Variants in CDC16 observed in about 807,000 individuals in gnomAD.
CDC16 encodes the protein cell division cycle protein 16 homolog.
CDC16 carries 34 observed loss-of-function variants against 87.0 expected under a neutral mutation model. That is an observed-to-expected ratio of 0.39 (90% CI 0.30 to 0.52). CDC16 has a LOEUF of 0.52. Ranked by LOEUF, CDC16 falls within the 20% of genes least tolerant of loss-of-function variation. The pLI is 0.74. For missense variants in CDC16, 653 were observed against 751.9 expected, an observed-to-expected ratio of 0.87 and a Z score of 1.54; for synonymous variants, 263 against 260.6, an observed-to-expected ratio of 1.01 and a Z score of -0.09.
chr13:114,257,310 A>G, intron 13 of CDC16, 80 bp downstream of exon 13: 1 of 840,654 alleles, frequency 1.2e-6, no homozygotes, highest in Non-Finnish European at 1.8e-6. Flanking sequence ...TTCACTGACA[A>G]AAGCGACTCT....
Position 114,242,213 on chromosome 13 carries a change from G to T in CDC16, c.474G>T (p.Lys158Asn). ...LATYSYKEAL[K>N]LDVYCFEAFD... ...CCTACAGCTACAAAGAAGCTTTGAA[G>T]CTTGATGTCTACTGTTTTGAAGCGT... The change falls in exon 6 of 18, where the codon AAG becomes AAT. Residue 158 changes from lysine (K) to asparagine (N), a missense_variant. Physicochemically the swap from Lys to Asn is moderately conservative, Grantham distance 94. Transcript: ENST00000356221. 1 of 1,614,180 alleles carries T rather than the reference G, an allele frequency of 6.2e-7. No individual in the cohort carries two copies. Among genetic ancestry groups the T allele is most frequent in the Non-Finnish European group, 8.5e-7 (1 of 1,180,028 alleles).
intron 16 of CDC16, among the ~76,000 whole-genome samples, chr13:114,263,734 T>G (rs1305320685): frequency 1.3e-5 from 2 of 152,192 alleles, no homozygotes; most frequent in Non-Finnish European, 2.9e-5. Context: ...ACACCTGCTT[T>G]CCAACTCTCT....
At chr13:114,266,698 C>CT (rs879303491) in intron 17 of CDC16, among the ~76,000 whole-genome samples, 2,767 of 146,330 alleles carry the variant, frequency 0.019, 63 homozygotes, top group African/African-American at 0.055. Context: ...ATTACTGAAT[C>CT]TTTTTTTTTT....
intron 14 of CDC16, among the ~76,000 whole-genome samples, chr13:114,261,632 G>A (rs1424068531): frequency 6.6e-6 from 1 of 152,092 alleles, no homozygotes; most frequent in Non-Finnish European, 1.5e-5. Flanking sequence ...GCTCTGAGTT[G>A]CAGATACTCA....
intron 7 of CDC16, 150 bp downstream of exon 7, chr13:114,243,498 C>CAAAAA (rs35430682): frequency 2.8e-4 from 106 of 382,630 alleles, no homozygotes; most frequent in Admixed American, 5.2e-4. Context: ...CATAAGATTC[C>CAAAAA]AAAAAAAAAA....
intron 17 of CDC16, among the ~76,000 whole-genome samples, chr13:114,271,249 T>C (rs544663195): frequency 2.5e-4 from 38 of 152,256 alleles, no homozygotes; most frequent in Non-Finnish European, 4.9e-4. Context: ...CATTTTTATT[T>C]TTAGAAAGTT....
chr13:114,266,910 A>G (rs2083261900), intron 17 of CDC16, among the ~76,000 whole-genome samples: 1 of 151,832 alleles, frequency 6.6e-6, no homozygotes, highest in Non-Finnish European at 1.5e-5. Context: ...GTTCGCCAGG[A>G]TGATCTTGAT....
At chr13:114,246,838 G>A (rs1455182419) in intron 10 of CDC16, 93 bp from the exon 11 acceptor site, 2 of 791,238 alleles carry the variant, frequency 2.5e-6, no homozygotes, top group Non-Finnish European at 4.6e-6. Flanking sequence ...TAAGGAACAT[G>A]TAGTATACCC....
At chr13:114,271,624 G>A (rs931840879) in intron 17 of CDC16, among the ~76,000 whole-genome samples, 13 of 151,726 alleles carry the variant, frequency 8.6e-5, no homozygotes, top group Non-Finnish European at 1.6e-4. Context: ...ACAGGCACCC[G>A]CCACCATGCC....
At chr13:114,246,844 T>C in intron 10 of CDC16, 87 bp from the exon 11 acceptor site, 1 of 813,166 alleles carries the variant, frequency 1.2e-6, no homozygotes, top group South Asian at 1.4e-5. Context: ...ACATGTAGTA[T>C]ACCCTCTGTC....
At position 114,235,082 on chromosome 13, in the gene CDC16, G is replaced by C; in HGVS notation, c.-3G>C. 1 of 1,246,042 alleles carries C rather than the reference G, an allele frequency of 8.0e-7. No homozygotes were observed. The highest frequency in any genetic ancestry group is 1.0e-6 in the Non-Finnish European group (1 of 995,946). The allele number at this position is 1,246,042 out of a possible 1,614,324, so 77.2% of individuals were successfully genotyped here. A position where few individuals can be genotyped will look rare whatever the true frequency, so the allele number is the denominator to read the frequency against. ...TGTGGCGTGAGGCCGGGCCCGCGCC[G>C]CCATGAACCTAGAGCGGCTGCGGAA... On this transcript the variant is annotated 5_prime_UTR_variant, in exon 1 of 18. Coordinates refer to ENST00000356221, the MANE Select transcript of CDC16 (RefSeq NM_001078645.3).
At chr13:114,241,218 C>T (rs2081535049) in intron 5 of CDC16, among the ~76,000 whole-genome samples, 1 of 152,132 alleles carries the variant, frequency 6.6e-6, no homozygotes, top group South Asian at 2.1e-4. Context: ...CCCTCACAGA[C>T]TTCTATAAGT....
intron 12 of CDC16, 64 bp downstream of exon 12, chr13:114,250,738 C>T: frequency 6.8e-7 from 1 of 1,467,474 alleles, no homozygotes; most frequent in South Asian, 1.2e-5. Context: ...AATGAAATTT[C>T]TATTACTATT....
intron 6 of CDC16, 76 bp downstream of exon 6, chr13:114,242,356 C>G (rs1450925042): frequency 3.6e-6 from 5 of 1,376,380 alleles, no homozygotes; most frequent in Admixed American, 3.8e-5. Context: ...CTGAAATCTT[C>G]TAAGTCAACA....
rs762843377 is a variant in CDC16, at chr13:114,250,589, A to G, written c.1012A>G (p.Ile338Val). Residue 338 changes from isoleucine to valine, a missense_variant, in exon 12 of 18, where the codon ATA (isoleucine) becomes GTA (valine). Ile to Val is a conservative substitution (Grantham distance 29). Coordinates refer to ENST00000356221, the MANE Select transcript of CDC16 (RefSeq NM_001078645.3). ...TGAGAAAACCTATGGACCTGCATGG[A>G]TAGCCTATGGACATTCATTTGCGGT... ...TLEKTYGPAW[I>V]AYGHSFAVES... The G allele has an allele frequency of 3.4e-5, 55 of 1,613,890 alleles. No homozygotes were observed. Among genetic ancestry groups the G allele is most frequent in the Non-Finnish European group, 3.9e-5 (46 of 1,179,970 alleles).
In CDC16 at chr13:114,266,903, C is replaced by A. The variant is rs17291578; in HGVS notation, c.1603+1663C>A. Among the ~76,000 whole-genome samples, 6 of 151,830 alleles carry A rather than the reference C, an allele frequency of 4.0e-5. No homozygotes were observed. The East Asian group carries it at 5.9e-4, about 15-fold the overall frequency. On this transcript the variant is annotated intron_variant, in intron 17 of 17. Transcript: ENST00000356221. ...AGTAGTGATGGGGTTTCACAGTGTT[C>A]GCCAGGATGATCTTGATCTCCTGAC...
chr13:114,264,519 C>T (rs1026917434), intron 16 of CDC16, among the ~76,000 whole-genome samples: 2 of 150,424 alleles, frequency 1.3e-5, no homozygotes, highest in African/African-American at 4.9e-5. Context: ...GAGATCGCGC[C>T]ACTGCATTCC....
chr13:114,255,678 T>C (rs779458867), intron 12 of CDC16, among the ~76,000 whole-genome samples: 3 of 152,148 alleles, frequency 2.0e-5, no homozygotes, highest in Non-Finnish European at 4.4e-5. Context: ...AGTCTCACTC[T>C]CTTGCCCAGG....
In CDC16 at chr13:114,257,067, C is replaced by T; in HGVS notation, c.1098-11C>T. On this transcript the variant is annotated splice_polypyrimidine_tract_variant and intron_variant, in intron 12 of 17. Coordinates refer to ENST00000356221, the MANE Select transcript of CDC16 (RefSeq NM_001078645.3). ...TTGGTGTTGAATATGTGAAATTTTC[C>T]AATTTTTTAGGTGTCATTTGCCTAT... 1.3e-6 allele frequency: 2 copies of T among 1,511,808 alleles called. No homozygotes were observed. Among genetic ancestry groups the T allele is most frequent in the Non-Finnish European group, 9.0e-7 (1 of 1,116,664 alleles). 93.6% of individuals were successfully genotyped at this position (1,511,808 alleles called of 1,614,324 possible).
Sources: allele counts gnomAD v4.1 joint callset (sites outside exome capture counted in the v4.1 genomes callset), GRCh38; gene constraint gnomAD v4.1.1; transcripts MANE v1.5; gene names NCBI Gene and HGNC (gene_info 2026-07-23, HGNC 2026-07-21).